The following IGF1 variants were observed in gnomAD, a reference collection of about 807,000 sequenced individuals.
IGF1 encodes the protein insulin like growth factor 1.
In IGF1, 4 loss-of-function variants were observed where a neutral mutation model predicts 13.8. That is an observed-to-expected ratio of 0.29 (90% CI 0.14 to 0.66). IGF1 has a LOEUF of 0.66. IGF1 is among the 30% of genes least tolerant of loss of function. IGF1 has a pLI of 0.78. For missense variants in IGF1, 124 were observed against 188.5 expected, an observed-to-expected ratio of 0.66 and a Z score of 2.00; for synonymous variants, 76 against 72.6, an observed-to-expected ratio of 1.05 and a Z score of -0.23.
At chr12:102,427,336 G>A (rs913943298) in intron 2 of IGF1, among the ~76,000 whole-genome samples, 1 of 152,136 alleles carries the variant, frequency 6.6e-6, no homozygotes, top group Non-Finnish European at 1.5e-5. Context: ...TTCAGATGTG[G>A]GAAGAGAGGC....
Position 102,402,403 on chromosome 12 carries a change from T to A in IGF1, c.*104A>T. ...GGAAACGCCCATCTTTTAAATGTTA[T>A]CAAACTTATTTTTTGGTAGGTGTTC... On this transcript the variant is annotated 3_prime_UTR_variant, in exon 4 of 4. Coordinates refer to ENST00000337514, the MANE Select transcript of IGF1 (RefSeq NM_000618.5). 1 of 777,688 alleles carries A rather than the reference T, an allele frequency of 1.3e-6. No homozygotes were observed. Among genetic ancestry groups the A allele is most frequent in the East Asian group, 2.4e-5 (1 of 41,140 alleles). 48.2% of individuals were successfully genotyped at this position (777,688 alleles called of 1,614,324 possible).
chr12:102,480,241 AAC>A, intron 1 of IGF1, 76 bp downstream of exon 1: 1 of 1,362,728 alleles, frequency 7.3e-7, no homozygotes, highest in East Asian at 2.3e-5. Flanking sequence ...TAAAGTGAAG[AAC>A]AGTTCTAGGC....
chr12:102,429,447 T>C (rs1447696369), intron 2 of IGF1, among the ~76,000 whole-genome samples: 1 of 152,188 alleles, frequency 6.6e-6, no homozygotes, highest in African/African-American at 2.4e-5. Flanking sequence ...TTTTAGCCAT[T>C]GCACTCCTCC....
At chr12:102,452,186 C>T (rs917167459) in intron 2 of IGF1, among the ~76,000 whole-genome samples, 43 of 130,022 alleles carry the variant, frequency 3.3e-4, no homozygotes, top group African/African-American at 9.6e-4. Context: ...GGCGTGAACC[C>T]GGGAGGCGGA....
chr12:102,452,816 A>T (rs1340977421), intron 2 of IGF1, among the ~76,000 whole-genome samples: 2 of 152,326 alleles, frequency 1.3e-5, no homozygotes, highest in East Asian at 3.8e-4. Flanking sequence ...TCTGCCAGAG[A>T]AACTTGGACC....
chr12:102,441,959 T>TCTTCTTCTTCTTCTTCTTCTTC, intron 2 of IGF1, among the ~76,000 whole-genome samples: 1 of 147,712 alleles, frequency 6.8e-6, no homozygotes, highest in Non-Finnish European at 1.5e-5. Context: ...CTTCTTCTTT[T>TCTTCTTCTTCTTCTTCTTCTTC]TTTTTTTTGA....
chr12:102,420,342 A>G (rs952292894), intron 2 of IGF1, among the ~76,000 whole-genome samples: 1 of 152,218 alleles, frequency 6.6e-6, no homozygotes, highest in African/African-American at 2.4e-5. Context: ...ACTCTGGAAA[A>G]GTCACTAAGC....
intron 3 of IGF1, among the ~76,000 whole-genome samples, chr12:102,416,252 C>T (rs928993855): frequency 6.6e-6 from 1 of 152,208 alleles, no homozygotes; most frequent in African/African-American, 2.4e-5. Context: ...GAACTTCCGT[C>T]TTGTACCCTT....
intron 2 of IGF1, among the ~76,000 whole-genome samples, chr12:102,422,866 A>G (rs978551205): frequency 1.3e-5 from 2 of 152,234 alleles, no homozygotes; most frequent in African/African-American, 4.8e-5. Flanking sequence ...AATGAAAAAC[A>G]AATATTGGCT....
intron 2 of IGF1, among the ~76,000 whole-genome samples, chr12:102,454,630 A>G (rs1158936544): frequency 2.0e-5 from 3 of 152,216 alleles, no homozygotes; most frequent in African/African-American, 7.2e-5. Context: ...CTATTTAAGA[A>G]TGGAAAAGGG....
At chr12:102,472,990 G>C (rs1366626166) in intron 2 of IGF1, among the ~76,000 whole-genome samples, 2 of 152,168 alleles carry the variant, frequency 1.3e-5, no homozygotes, top group Non-Finnish European at 2.9e-5. Flanking sequence ...TTAAGACCAA[G>C]ATCCCAAACA....
At chr12:102,458,154 T>C (rs765589406) in intron 2 of IGF1, among the ~76,000 whole-genome samples, 1 of 152,216 alleles carries the variant, frequency 6.6e-6, no homozygotes, top group Non-Finnish European at 1.5e-5. Flanking sequence ...TGCGAGCCCC[T>C]TTCTAGTTAT....
chr12:102,419,258 C>T (rs1263631748), intron 3 of IGF1, among the ~76,000 whole-genome samples: 2 of 152,200 alleles, frequency 1.3e-5, no homozygotes, highest in Non-Finnish European at 2.9e-5. Flanking sequence ...TTGTCTGACA[C>T]CAAAGCCCAT....
At chr12:102,434,620 G>A (rs1186290001) in intron 2 of IGF1, among the ~76,000 whole-genome samples, 1 of 151,798 alleles carries the variant, frequency 6.6e-6, no homozygotes, top group Non-Finnish European at 1.5e-5. Flanking sequence ...ACGTGTGCAT[G>A]TGTCTTTATA....
At chr12:102,478,485 A>C in intron 1 of IGF1, 1 of 1,599,154 alleles carries the variant, frequency 6.3e-7, no homozygotes, top group Admixed American at 1.7e-5. Flanking sequence ...GAAAATACTC[A>C]CTGTAGGTGT....
chr12:102,478,497 A>G (rs376029024), intron 1 of IGF1: 10 of 1,610,560 alleles, frequency 6.2e-6, no homozygotes, highest in Non-Finnish European at 8.5e-6. Context: ...TGTAGGTGTA[A>G]TCATTTTTGT....
chr12:102,473,643 A>G (rs182025319), intron 2 of IGF1, among the ~76,000 whole-genome samples: 12 of 150,226 alleles, frequency 8.0e-5, no homozygotes, highest in African/African-American at 2.5e-4. Flanking sequence ...AGCTAAAGTC[A>G]TATAGTAAGA....
At chr12:102,438,815 C>G (rs1281262664) in intron 2 of IGF1, among the ~76,000 whole-genome samples, 2 of 152,146 alleles carry the variant, frequency 1.3e-5, no homozygotes, top group Non-Finnish European at 2.9e-5. Flanking sequence ...CATAACTCTG[C>G]TAAACTGAAA....
At chr12:102,427,657 C>T (rs1311517467) in intron 2 of IGF1, among the ~76,000 whole-genome samples, 3 of 151,974 alleles carry the variant, frequency 2.0e-5, no homozygotes, top group African/African-American at 4.8e-5. Context: ...GGCAGTCTGG[C>T]GTGTCTGGAG....
Sources: allele counts gnomAD v4.1 joint callset (sites outside exome capture counted in the v4.1 genomes callset), GRCh38; gene constraint gnomAD v4.1.1; transcripts MANE v1.5; gene names NCBI Gene and HGNC (gene_info 2026-07-23, HGNC 2026-07-21).